Variants in OXLD1 observed in about 807,000 individuals in gnomAD.
OXLD1 encodes oxidoreductase like domain containing 1.
A neutral mutation model predicts 3.1 loss-of-function variants in OXLD1; 4 were observed. The observed-to-expected ratio is 1.28, with a 90% CI of 0.63 to 2.92. The LOEUF (loss-of-function observed/expected upper bound fraction) is 2.92. Among genes scored for constraint, OXLD1 ranks in the 30% most tolerant of loss-of-function variants. The pLI, the probability that OXLD1 is intolerant of heterozygous loss-of-function variation, is 0.01. For missense variants in OXLD1, 240 were observed against 204.6 expected, an observed-to-expected ratio of 1.17 and a Z score of -1.05; for synonymous variants, 100 against 87.0, an observed-to-expected ratio of 1.15 and a Z score of -0.83.
chr17:81,665,563 G>T lies in OXLD1; in HGVS notation c.82C>A (p.Pro28Thr). The change falls in exon 2 of 2, where the codon CCG becomes ACG. Residue 28 changes from proline (P) to threonine (T), a missense_variant. By Grantham distance (38) the Pro-to-Thr change is conservative (BLOSUM62 -1). Coordinates refer to ENST00000374741, the MANE Select transcript of OXLD1 (RefSeq NM_001039842.3). ...CCAGGAAGCCTCTGGCAGCAGTCCGGGCTGGAGAACCGGCGAGCCCCCTGA... is the reference window on the plus strand; with the variant it reads ...CCAGGAAGCCTCTGGCAGCAGTCCGTGCTGGAGAACCGGCGAGCCCCCTGA... The part of the protein sequence containing the change: ...RGSGARRFSS[P>T]DCCQRLPGGG... The T allele has an allele frequency of 6.3e-7, 1 of 1,595,478 alleles. No individual in the cohort carries two copies. Among genetic ancestry groups the T allele is most frequent in the East Asian group, 2.2e-5 (1 of 44,550 alleles).
chr17:81,666,426 G>C, intron 1 of OXLD1, 92 bp downstream of exon 1: 1 of 1,435,778 alleles, frequency 7.0e-7, no homozygotes, highest in Non-Finnish European at 9.3e-7. Context: ...GCGGGTGGAG[G>C]GGCCGGGGCT....
At position 81,665,105 on chromosome 17, in the gene OXLD1, C is replaced by T; in HGVS notation, c.*96G>A. 7.2e-7 allele frequency: 1 copy of T among 1,383,186 alleles called. No individual in the cohort carries two copies. Among genetic ancestry groups the T allele is most frequent in the Non-Finnish European group, 9.8e-7 (1 of 1,024,938 alleles). 85.7% of individuals were successfully genotyped at this position (1,383,186 alleles called of 1,614,324 possible). On this transcript the variant is annotated 3_prime_UTR_variant, in exon 2 of 2. Transcript: ENST00000374741. ...GTCAGTAACTAATTCTTCCTATTCC[C>T]GTTGGACACAAGGAGTCTGTGAGGG...
intron 1 of OXLD1, 183 bp downstream of exon 1, chr17:81,666,335 C>T (rs1055512430): frequency 3.1e-6 from 2 of 645,776 alleles, no homozygotes; most frequent in Non-Finnish European, 4.9e-6. Context: ...GGCGGGGACT[C>T]GGTAAGAGCC....
Position 81,666,556 on chromosome 17 carries a change from C to G in OXLD1, c.22G>C (p.Glu8Gln). Residue 8 changes from glutamate (E) to glutamine (Q), a missense_variant, in exon 1 of 2, where the codon GAG becomes CAG. By Grantham distance (29) the Glu-to-Gln change is conservative (BLOSUM62 2). Coordinates refer to ENST00000374741, the MANE Select transcript of OXLD1 (RefSeq NM_001039842.3). ...GCGGCGGCTACCGCCCGGCCTCCCT[C>G]GACCACCCTCCGCAGCAGCATCGCC... MLLRRVV[E>Q]GGRAVAAAVR... 1 of 1,507,598 alleles carries G rather than the reference C, an allele frequency of 6.6e-7. No homozygotes were observed. Among genetic ancestry groups the G allele is most frequent in the Non-Finnish European group, 8.8e-7 (1 of 1,134,840 alleles). The allele number at this position is 1,507,598 out of a possible 1,614,324, so 93.4% of individuals were successfully genotyped here. A position where few individuals can be genotyped will look rare whatever the true frequency, so the allele number is the denominator to read the frequency against.
chr17:81,666,045 C>T, intron 1 of OXLD1: 1 of 414,954 alleles, frequency 2.4e-6, no homozygotes, highest in Non-Finnish European at 4.3e-6. Flanking sequence ...TCACAAAGCC[C>T]AGGCCTCTCA....
rs1369124511 is a variant in OXLD1 at position 81,665,310 on chromosome 17, T to C, written c.335A>G (p.Gln112Arg). Residue 112 changes from glutamine (Q) to arginine (R), a missense_variant, in exon 2 of 2, where the codon CAG (glutamine) becomes CGG (arginine). Coordinates refer to ENST00000374741, the MANE Select transcript of OXLD1 (RefSeq NM_001039842.3). ...AGCCAGGGCCCGCTCCCCACCGTCCTGGAAGTGCTGCAGCAGCCTGTCCGC... is the reference window on the plus strand; with the variant it reads ...AGCCAGGGCCCGCTCCCCACCGTCCCGGAAGTGCTGCAGCAGCCTGTCCGC... ...EYADRLLQHF[Q>R]DGGERALAAL... is the part of the protein sequence containing the mutation. 6.2e-7 allele frequency: 1 copy of C among 1,613,390 alleles called. No individual in the cohort carries two copies. The highest frequency in any genetic ancestry group is 8.5e-7 in the Non-Finnish European group (1 of 1,180,004).
chr17:81,665,296 G>A lies in OXLD1; in HGVS notation c.349C>T (p.Arg117Trp), dbSNP rs577155824. ...LLQHFQDGGE[R>W]ALAALEEHVA... ...TGCTCCTCCAGGGCAGCCAGGGCCC[G>A]CTCCCCACCGTCCTGGAAGTGCTGC... The change falls in exon 2 of 2, where the codon CGG becomes TGG. Residue 117 changes from arginine to tryptophan, a missense_variant. Arg to Trp is a moderately radical substitution (Grantham distance 101). Coordinates refer to ENST00000374741, the MANE Select transcript of OXLD1 (RefSeq NM_001039842.3). 35 of 1,613,526 alleles carry A rather than the reference G, an allele frequency of 2.2e-5. No homozygotes were observed. Among genetic ancestry groups the A allele is most frequent in the South Asian group, 5.5e-5 (5 of 91,088 alleles).
Position 81,665,078 on chromosome 17 carries a change from A to C in OXLD1, c.*123T>G, listed in dbSNP as rs2144423224. The C allele has an allele frequency of 1.6e-6, 2 of 1,260,132 alleles. No individual in the cohort carries two copies. Among genetic ancestry groups the C allele is most frequent in the East Asian group, 4.9e-5 (2 of 40,786 alleles). The allele number at this position is 1,260,132 out of a possible 1,614,324, so 78.1% of individuals were successfully genotyped here. A position where few individuals can be genotyped will look rare whatever the true frequency, so the allele number is the denominator to read the frequency against. ...AGAGAATTTATTTTTTTCTCAGGTG[A>C]AGTCAGTAACTAATTCTTCCTATTC... On this transcript the variant is annotated 3_prime_UTR_variant, in exon 2 of 2. Transcript: ENST00000374741.
intron 1 of OXLD1, chr17:81,666,270 C>T (rs2036614638): frequency 2.0e-6 from 1 of 489,316 alleles, no homozygotes; most frequent in Non-Finnish European, 3.6e-6. Context: ...GGAAAGTGGC[C>T]GTTCACCGGG....
At position 81,665,393 on chromosome 17, in the gene OXLD1, G is replaced by A. The variant is rs765502946; in HGVS notation, c.252C>T (p.Leu84=). 2 of 1,613,576 alleles carry A rather than the reference G, an allele frequency of 1.2e-6. No homozygotes were observed. Among genetic ancestry groups the A allele is most frequent in the Non-Finnish European group, 1.7e-6 (2 of 1,180,036 alleles). Residue 84 remains leucine (L), a synonymous_variant, in exon 2 of 2, where the codon CTC becomes CTT. Transcript: ENST00000374741. ...RPPKASLPPE[L]QPPTNCCMSG... is the part of the protein sequence containing the mutation. ...TCATGCAGCAGTTTGTGGGCGGCTG[G>A]AGCTCAGGTGGCAGCGATGCCTTGG...
chr17:81,665,823 T>C (rs2036600114), intron 1 of OXLD1: 1 of 546,894 alleles, frequency 1.8e-6, no homozygotes, highest in Admixed American at 3.5e-5. Flanking sequence ...GATCAGGGCC[T>C]GGCGCCGGGT....
At position 81,665,109 on chromosome 17, in the gene OXLD1, G is replaced by A; in HGVS notation, c.*92C>T. On this transcript the variant is annotated 3_prime_UTR_variant, in exon 2 of 2. Transcript: ENST00000374741. ...GTAACTAATTCTTCCTATTCCCGTTGGACACAAGGAGTCTGTGAGGGGGTG... is the reference window on the plus strand; with the variant it reads ...GTAACTAATTCTTCCTATTCCCGTTAGACACAAGGAGTCTGTGAGGGGGTG... The A allele has an allele frequency of 7.2e-7, 1 of 1,397,580 alleles. No homozygotes were observed. Among genetic ancestry groups the A allele is most frequent in the Admixed American group, 2.3e-5 (1 of 43,032 alleles). The allele number at this position is 1,397,580 out of a possible 1,614,324, so 86.6% of individuals were successfully genotyped here.
Position 81,665,526 on chromosome 17 carries a change from A to C in OXLD1, c.119T>G (p.Phe40Cys), listed in dbSNP as rs374615825. Residue 40 changes from phenylalanine (F) to cysteine (C), a missense_variant, in exon 2 of 2, where the codon TTT (phenylalanine) becomes TGT (cysteine). Coordinates refer to ENST00000374741, the MANE Select transcript of OXLD1 (RefSeq NM_001039842.3). ...CGCTCCGGGATGGTGCCTTTGAAGA[A>C]AGCTGCCACCTCCAGGAAGCCTCTG... is the stretch of plus-strand genomic sequence containing the variant. ...CCQRLPGGGSFLQRHHPGAQA... is the reference protein window; with the variant it reads ...CCQRLPGGGSCLQRHHPGAQA... 3 of 1,609,516 alleles carry C rather than the reference A, an allele frequency of 1.9e-6. No individual in the cohort carries two copies. Among genetic ancestry groups the C allele is most frequent in the Non-Finnish European group, 2.5e-6 (3 of 1,177,368 alleles).
chr17:81,665,827 G>C (rs1427676190), intron 1 of OXLD1: 1 of 544,908 alleles, frequency 1.8e-6, no homozygotes, highest in African/African-American at 1.9e-5. Flanking sequence ...AGGGCCTGGC[G>C]CCGGGTGTGC....
At position 81,665,436 on chromosome 17, in the gene OXLD1, G is replaced by C; in HGVS notation, c.209C>G (p.Ala70Gly). The C allele has an allele frequency of 9.3e-6, 15 of 1,613,472 alleles. No homozygotes were observed. The highest frequency in any genetic ancestry group is 1.3e-5 in the Non-Finnish European group (15 of 1,180,022). Reference sequence around the variant, plus strand: ...TGCCTTGGGCGGCCTGGTGCCGTCCGCACCTGCTTGGGAGCCCACCTCTAC... The same window carrying C: ...TGCCTTGGGCGGCCTGGTGCCGTCCCCACCTGCTTGGGAGCCCACCTCTAC... ...DHVEVGSQAG[A>G]DGTRPPKASL... The change falls in exon 2 of 2, where the codon GCG becomes GGG. Residue 70 changes from alanine to glycine, a missense_variant. Ala to Gly is a moderately conservative substitution (Grantham distance 60). Coordinates refer to ENST00000374741, the MANE Select transcript of OXLD1 (RefSeq NM_001039842.3).
Position 81,665,092 on chromosome 17 carries a change from T to C in OXLD1, c.*109A>G, listed in dbSNP as rs2036568812. On this transcript the variant is annotated 3_prime_UTR_variant, in exon 2 of 2. Transcript: ENST00000374741. The stretch of plus-strand genomic sequence containing the variant: ...TTTCTCAGGTGAAGTCAGTAACTAA[T>C]TCTTCCTATTCCCGTTGGACACAAG... 5 of 1,319,596 alleles carry C rather than the reference T, an allele frequency of 3.8e-6. No homozygotes were observed. The highest frequency in any genetic ancestry group is 2.5e-4 in the Middle Eastern group (1 of 3,986). 81.7% of individuals were successfully genotyped at this position (1,319,596 alleles called of 1,614,324 possible). A position where few individuals can be genotyped will look rare whatever the true frequency, so the allele number is the denominator to read the frequency against.
rs2036578420 is a variant in OXLD1 at position 81,665,301 on chromosome 17, C to T, written c.344G>A (p.Gly115Glu). The change falls in exon 2 of 2, where the codon GGG becomes GAG. Residue 115 changes from glycine to glutamate, a missense_variant. Gly to Glu is a moderately conservative substitution (Grantham distance 98). Coordinates refer to ENST00000374741, the MANE Select transcript of OXLD1 (RefSeq NM_001039842.3). ...CTCCAGGGCAGCCAGGGCCCGCTCC[C>T]CACCGTCCTGGAAGTGCTGCAGCAG... ...DRLLQHFQDG[G>E]ERALAALEEH... The T allele has an allele frequency of 6.2e-7, 1 of 1,613,470 alleles. No homozygotes were observed. The highest frequency in any genetic ancestry group is 8.5e-7 in the Non-Finnish European group (1 of 1,180,036).
At position 81,665,156 on chromosome 17, in the gene OXLD1, G is replaced by T. The variant is rs2036570718; in HGVS notation, c.*45C>A. On this transcript the variant is annotated 3_prime_UTR_variant, in exon 2 of 2. Coordinates refer to ENST00000374741, the MANE Select transcript of OXLD1 (RefSeq NM_001039842.3). Reference sequence around the variant, plus strand: ...GGTGTGAAGGAAGGAGGCTGCGGCTGCGTCCTGGACTCCGTCCTGCGGTAG... The same window carrying T: ...GGTGTGAAGGAAGGAGGCTGCGGCTTCGTCCTGGACTCCGTCCTGCGGTAG... 3.2e-6 allele frequency: 5 copies of T among 1,540,642 alleles called. No individual in the cohort carries two copies. In the East Asian group the frequency reaches 1.1e-4, roughly 35 times the overall value.
At position 81,665,255 on chromosome 17, in the gene OXLD1, G is replaced by A. The variant is rs745501777; in HGVS notation, c.390C>T (p.Asn130=). ...AALEEHVADE[N]LKAFLRMEIR... ...TCTCCATCCTGAGGAAGGCCTTGAG[G>A]TTCTCATCAGCCACGTGCTCCTCCA... Residue 130 remains asparagine (N), a synonymous_variant, in exon 2 of 2, where the codon AAC becomes AAT. Transcript: ENST00000374741. The A allele has an allele frequency of 1.9e-6, 3 of 1,613,542 alleles. No individual in the cohort carries two copies. The South Asian group carries it at 3.3e-5, about 18-fold the overall frequency.
Sources: gnomAD v4.1 joint callset for allele counts on GRCh38, gnomAD v4.1.1 for gene constraint, MANE v1.5 for transcripts, NCBI Gene and HGNC (gene_info 2026-07-23, HGNC 2026-07-21) for gene names.